TAF2: variants seen among roughly 807,000 people sequenced by gnomAD.
TAF2 encodes transcription initiation factor TFIID subunit 2.
Under a neutral mutation model 138.5 loss-of-function variants are expected in TAF2, and 61 were observed. The ratio of observed to expected loss-of-function variants is 0.44; its 90% CI spans 0.36 to 0.54. The LOEUF is 0.54. Ranked by LOEUF, TAF2 falls within the 20% of genes least tolerant of loss-of-function variation. TAF2 has a pLI of 0.00. For synonymous variants in TAF2, 475 were observed against 469.9 expected (o/e 1.01, Z -0.14); for missense variants, 1,090 against 1,427.9 (o/e 0.76, Z 3.81).
chr8:119,751,504 A>T (rs554247603), intron 22 of TAF2, among the ~76,000 whole-genome samples: 2 of 152,346 alleles, frequency 1.3e-5, no homozygotes, highest in South Asian at 4.1e-4. Flanking sequence ...CTACCTCTCC[A>T]TGAACATTCT....
intron 5 of TAF2, 40 bp from the exon 6 acceptor site, chr8:119,802,065 A>T (rs1586481132): frequency 6.7e-7 from 1 of 1,489,602 alleles, no homozygotes; most frequent in Admixed American, 1.8e-5. Flanking sequence ...GTATTCAAAG[A>T]GTTCTCTACA....
chr8:119,733,396 A>C (rs768138577), intron 25 of TAF2, among the ~76,000 whole-genome samples: 3 of 152,138 alleles, frequency 2.0e-5, no homozygotes, highest in Non-Finnish European at 2.9e-5. Context: ...ACAAAGAAAG[A>C]AACAGAATTA....
chr8:119,807,122 C>T (rs542533632), intron 3 of TAF2, among the ~76,000 whole-genome samples: 1 of 152,146 alleles, frequency 6.6e-6, no homozygotes, highest in African/African-American at 2.4e-5. Context: ...ATGTTTAAAA[C>T]AAATCAGGAT....
intron 13 of TAF2, 54 bp from the exon 14 acceptor site, chr8:119,788,501 G>A (rs990240784): frequency 7.8e-6 from 10 of 1,286,932 alleles, no homozygotes; most frequent in Non-Finnish European, 1.1e-5. Flanking sequence ...ATACCAATAT[G>A]TATGCTTATG....
chr8:119,830,432 C>T (rs1225941802), intron 2 of TAF2, among the ~76,000 whole-genome samples: 1 of 152,132 alleles, frequency 6.6e-6, no homozygotes, highest in Non-Finnish European at 1.5e-5. Flanking sequence ...CACCATTTCT[C>T]CCCTAGATTA....
At chr8:119,789,137 AACC>A (rs1436275462) in intron 12 of TAF2, among the ~76,000 whole-genome samples, 1 of 152,218 alleles carries the variant, frequency 6.6e-6, no homozygotes. Context: ...AAAGAAGCAG[AACC>A]ACTATACAAA....
At chr8:119,808,943 T>C (rs756615614) in intron 3 of TAF2, among the ~76,000 whole-genome samples, 56 of 152,320 alleles carry the variant, frequency 3.7e-4, no homozygotes, top group African/African-American at 1.2e-3. Context: ...TTAAGGGCCA[T>C]AGGATTTTTG....
In TAF2 at chr8:119,732,076, G is replaced by A. The variant is rs372496863; in HGVS notation, c.3448C>T (p.His1150Tyr). 172 of 1,613,980 alleles carry A rather than the reference G, an allele frequency of 1.1e-4. No homozygotes were observed. The highest frequency in any genetic ancestry group is 1.2e-4 in the Non-Finnish European group (145 of 1,180,000). ...ASKHSDHHHH[H>Y]HHEHKKKKKK... ...TTCTTTTTCTTGTGCTCATGGTGAT[G>A]GTGGTGATGGTGGTCACTGTGTTTG... Residue 1150 changes from histidine to tyrosine, a missense_variant, in exon 26 of 26, where the codon CAT (histidine) becomes TAT (tyrosine). This residue lies in a region of TAF2 where 580 missense variants were observed against 719.6 expected (regional missense o/e 0.81). Coordinates refer to ENST00000378164, the MANE Select transcript of TAF2 (RefSeq NM_003184.4).
intron 3 of TAF2, among the ~76,000 whole-genome samples, chr8:119,811,805 C>CAAAAAAAAAA (rs771523182): frequency 1.7e-5 from 1 of 60,312 alleles, no homozygotes; most frequent in African/African-American, 6.3e-5. Context: ...GACTCCGTCT[C>CAAAAAAAAAA]AAAAAAAAAA....
Position 119,819,268 on chromosome 8 carries a change from T to C in TAF2, c.299+78A>G, listed in dbSNP as rs1451706340. On this transcript the variant is annotated intron_variant, in intron 3 of 25. Coordinates refer to ENST00000378164, the MANE Select transcript of TAF2 (RefSeq NM_003184.4). ...TTAACGATCCAAAAAAAAAATACTT[T>C]GAGAAAAACTAATCCAATCATTAAA... is the stretch of plus-strand genomic sequence containing the variant. 4.1e-6 allele frequency: 6 copies of C among 1,479,514 alleles called. No individual in the cohort carries two copies. The East Asian group carries it at 1.1e-4, about 28-fold the overall frequency. The allele number at this position is 1,479,514 out of a possible 1,614,324, so 91.6% of individuals were successfully genotyped here.
chr8:119,821,307 T>C (rs759380263), intron 2 of TAF2, among the ~76,000 whole-genome samples: 4 of 152,172 alleles, frequency 2.6e-5, no homozygotes, highest in African/African-American at 4.8e-5. Flanking sequence ...TCCTTGCTTC[T>C]TGCTCTCTCC....
chr8:119,794,904 G>A (rs1238820437), intron 9 of TAF2, among the ~76,000 whole-genome samples: 3 of 152,104 alleles, frequency 2.0e-5, no homozygotes, highest in Non-Finnish European at 4.4e-5. Context: ...GTTTAATGAA[G>A]ATATGAAAGG....
intron 22 of TAF2, among the ~76,000 whole-genome samples, chr8:119,754,696 T>A (rs376620950): frequency 0.011 from 1,618 of 149,076 alleles, 29 homozygotes; most frequent in African/African-American, 0.036. Context: ...AAAAAAAAAA[T>A]GGATAAATAT....
intron 3 of TAF2, among the ~76,000 whole-genome samples, chr8:119,810,649 T>A (rs1189150666): frequency 6.6e-6 from 1 of 152,228 alleles, no homozygotes; most frequent in Middle Eastern, 3.2e-3. Context: ...TGTCAGCACT[T>A]ACTTAACACA....
chr8:119,734,832 A>G (rs1235723828), intron 25 of TAF2, among the ~76,000 whole-genome samples: 1 of 152,220 alleles, frequency 6.6e-6, no homozygotes, highest in South Asian at 2.1e-4. Flanking sequence ...AGTTGGGGGA[A>G]GAGGGGGATT....
intron 9 of TAF2, among the ~76,000 whole-genome samples, chr8:119,793,868 G>C (rs1586455130): frequency 7.8e-6 from 1 of 128,734 alleles, no homozygotes; most frequent in African/African-American, 2.9e-5. Flanking sequence ...GACATAAATT[G>C]AACTTTTAAA....
At chr8:119,830,246 T>C (rs1826361873) in intron 2 of TAF2, among the ~76,000 whole-genome samples, 1 of 152,242 alleles carries the variant, frequency 6.6e-6, no homozygotes, top group African/African-American at 2.4e-5. Flanking sequence ...AATTCTAATA[T>C]TAGGATTAAA....
At chr8:119,738,711 C>T (rs1399991747) in intron 25 of TAF2, among the ~76,000 whole-genome samples, 1 of 152,110 alleles carries the variant, frequency 6.6e-6, no homozygotes, top group African/African-American at 2.4e-5. Context: ...GAAAGAGGTA[C>T]TTAATGTAAG....
chr8:119,775,110 C>G (rs1440857692), intron 18 of TAF2, among the ~76,000 whole-genome samples: 3 of 151,670 alleles, frequency 2.0e-5, no homozygotes, highest in Non-Finnish European at 4.4e-5. Flanking sequence ...GAAACCCTGT[C>G]TCTACTAAAA....
Sources: gnomAD v4.1 joint callset for allele counts (sites outside exome capture counted in the v4.1 genomes callset) on GRCh38, gnomAD v4.1.1 for gene constraint, gnomAD v4.1.1 regional missense constraint, MANE v1.5 for transcripts, NCBI Gene and HGNC (gene_info 2026-07-23, HGNC 2026-07-21) for gene names.